ANXA5: variants seen among roughly 807,000 people sequenced by gnomAD.
The protein encoded by ANXA5 is CBP-I.
ANXA5 carries 40 observed loss-of-function variants against 48.1 expected under a neutral mutation model. The observed-to-expected ratio is 0.83, with a 90% CI of 0.65 to 1.08. ANXA5 has a LOEUF of 1.08. Ranked by LOEUF, ANXA5 falls within the 50% of genes least tolerant of loss-of-function variation. The pLI is 0.00. For synonymous variants in ANXA5, 113 were observed against 129.1 expected (o/e 0.88, Z 0.85); for missense variants, 357 against 376.8 (o/e 0.95, Z 0.44).
At position 121,668,487 on chromosome 4, in the gene ANXA5, A is replaced by G. The variant is rs1724557626; in HGVS notation, c.944T>C (p.Leu315Pro). Residue 315 changes from leucine to proline, a missense_variant, in exon 13 of 13, where the codon CTC (leucine) becomes CCC (proline). Transcript: ENST00000296511. ...GACACGTTAGTCATCTTCTCCACAG[A>G]GCAGCAGAAGAGCTTTCTTATAGTC... ...SGDYKKALLL[L>P]CGEDD 6.2e-7 allele frequency: 1 copy of G among 1,613,416 alleles called. No homozygotes were observed. The highest frequency in any genetic ancestry group is 8.5e-7 in the Non-Finnish European group (1 of 1,179,570).
intron 7 of ANXA5, 103 bp downstream of exon 7, chr4:121,678,312 C>T: frequency 2.2e-6 from 2 of 922,516 alleles, no homozygotes; most frequent in Non-Finnish European, 3.3e-6. Context: ...TCAGCAAGTA[C>T]CACAAATTAT....
chr4:121,694,202 A>G (rs1263495546), intron 2 of ANXA5, among the ~76,000 whole-genome samples: 3 of 151,720 alleles, frequency 2.0e-5, no homozygotes, highest in African/African-American at 7.3e-5. Flanking sequence ...TACATATGTA[A>G]CAAACCTGCA....
intron 2 of ANXA5, among the ~76,000 whole-genome samples, chr4:121,693,842 G>C (rs1163689552): frequency 6.6e-6 from 1 of 152,066 alleles, no homozygotes; most frequent in African/African-American, 2.4e-5. Context: ...TTTAAAAAAT[G>C]AATGGCATGA....
intron 2 of ANXA5, among the ~76,000 whole-genome samples, chr4:121,688,124 T>C (rs980184980): frequency 1.3e-5 from 2 of 152,230 alleles, no homozygotes; most frequent in African/African-American, 4.8e-5. Context: ...CTCTCTCTGC[T>C]CTGTCACGTT....
intron 10 of ANXA5, among the ~76,000 whole-genome samples, chr4:121,670,554 C>T (rs1724595867): frequency 6.6e-6 from 1 of 152,104 alleles, no homozygotes; most frequent in African/African-American, 2.4e-5. Context: ...GAAAGGATCT[C>T]TTCTCTGAAC....
chr4:121,681,501 T>C, intron 6 of ANXA5, 170 bp downstream of exon 6: 1 of 530,292 alleles, frequency 1.9e-6, no homozygotes, highest in Non-Finnish European at 3.4e-6. Context: ...AGGCAGTCTT[T>C]TCCTTACTGA....
chr4:121,669,983 G>T lies in ANXA5; in HGVS notation c.751C>A (p.Leu251Ile). 3 of 1,605,164 alleles carry T rather than the reference G, an allele frequency of 1.9e-6. No homozygotes were observed. Among genetic ancestry groups the T allele is most frequent in the Non-Finnish European group, 2.6e-6 (3 of 1,175,744 alleles). ...VKSIRSIPAY[L>I]AETLYYAMKG... ...ATAGCATAATAGAGGGTCTCTGCAAGGTAGGCAGGTATACTTCGAATAGAT... is the reference window on the plus strand; with the variant it reads ...ATAGCATAATAGAGGGTCTCTGCAATGTAGGCAGGTATACTTCGAATAGAT... The change falls in exon 11 of 13, where the codon CTT becomes ATT. Residue 251 changes from leucine (L) to isoleucine (I), a missense_variant. Coordinates refer to ENST00000296511, the MANE Select transcript of ANXA5 (RefSeq NM_001154.4).
chr4:121,694,975 G>A (rs1297579719), intron 2 of ANXA5, among the ~76,000 whole-genome samples: 1 of 152,124 alleles, frequency 6.6e-6, no homozygotes, highest in Non-Finnish European at 1.5e-5. Flanking sequence ...TGGAAAATAT[G>A]TTCGCTTATA....
At chr4:121,683,636 TA>T (rs1724829661) in intron 4 of ANXA5, among the ~76,000 whole-genome samples, 159 bp from the exon 5 acceptor site, 1 of 152,168 alleles carries the variant, frequency 6.6e-6, no homozygotes, top group Admixed American at 6.5e-5. Context: ...TTGAATAACA[TA>T]CTTTTAACCT....
In ANXA5 at chr4:121,671,597, G is replaced by A. The variant is rs766211395; in HGVS notation, c.671C>T (p.Thr224Ile). 1.9e-6 allele frequency: 3 copies of A among 1,613,506 alleles called. No homozygotes were observed. The highest frequency in any genetic ancestry group is 1.7e-5 in the Admixed American group (1 of 60,014). Residue 224 changes from threonine (T) to isoleucine (I), a missense_variant, in exon 10 of 13, where the codon ACC becomes ATC. By Grantham distance (89) the Thr-to-Ile change is moderately conservative. Transcript: ENST00000296511. ...ATTGCCAGAAGTCTCGCGGTCAATGGTTTCCTCAATTTGAAATCCTGATAT... is the reference window on the plus strand; with the variant it reads ...ATTGCCAGAAGTCTCGCGGTCAATGATTTCCTCAATTTGAAATCCTGATAT... ...MTISGFQIEETIDRETSGNLE... is the reference protein window; with the variant it reads ...MTISGFQIEEIIDRETSGNLE...
Position 121,669,747 on chromosome 4 carries a change from A to C in ANXA5, c.781-23T>G, listed in dbSNP as rs372916022. ...TCCCTTTAAAAAAAAAAAAAAAGAG[A>C]GAAGCAAAATGCTTAAAAACTTCAA... On this transcript the variant is annotated intron_variant, in intron 11 of 12. Transcript: ENST00000296511. 382 of 1,579,604 alleles carry C rather than the reference A, an allele frequency of 2.4e-4. No individual in the cohort carries two copies. Among genetic ancestry groups the C allele is most frequent in the Non-Finnish European group, 3.0e-4 (356 of 1,170,708 alleles).
intron 2 of ANXA5, among the ~76,000 whole-genome samples, chr4:121,695,047 G>A (rs1234584148): frequency 6.6e-6 from 1 of 152,168 alleles, no homozygotes; most frequent in East Asian, 1.9e-4. Flanking sequence ...CATCACTGGG[G>A]AACTTACAAG....
chr4:121,687,256 C>T (rs927672887), intron 2 of ANXA5, among the ~76,000 whole-genome samples: 4 of 149,212 alleles, frequency 2.7e-5, no homozygotes, highest in Non-Finnish European at 3.0e-5. Context: ...GCCAAGATCG[C>T]GCCACTGCAC....
chr4:121,686,252 A>C, intron 3 of ANXA5, 36 bp downstream of exon 3: 11 of 1,472,856 alleles, frequency 7.5e-6, no homozygotes, highest in Non-Finnish European at 1.0e-5. Flanking sequence ...AAAAACAAAT[A>C]TCACATTTGC....
intron 4 of ANXA5, 91 bp from the exon 5 acceptor site, chr4:121,683,568 T>C: frequency 1.4e-6 from 1 of 695,678 alleles, no homozygotes; most frequent in Non-Finnish European, 2.5e-6. Context: ...CTCTAATGAA[T>C]TCTTTATGTT....
intron 8 of ANXA5, among the ~76,000 whole-genome samples, chr4:121,676,686 G>T (rs567559120): frequency 1.4e-5 from 2 of 145,680 alleles, no homozygotes; most frequent in Admixed American, 7.0e-5. Context: ...GGGGCGGGGG[G>T]GGGTATGGTT....
intron 7 of ANXA5, 127 bp from the exon 8 acceptor site, chr4:121,678,077 A>G (rs1422860024): frequency 6.6e-6 from 5 of 760,414 alleles, no homozygotes; most frequent in East Asian, 5.0e-5. Context: ...ATTAAGATCA[A>G]TCCTGCACTA....
chr4:121,684,843 T>C, intron 3 of ANXA5, 72 bp from the exon 4 acceptor site: 2 of 1,185,122 alleles, frequency 1.7e-6, no homozygotes, highest in Non-Finnish European at 1.2e-6. Flanking sequence ...GGCAACTCGC[T>C]TCCCAGTCAC....
intron 2 of ANXA5, among the ~76,000 whole-genome samples, chr4:121,690,560 T>G (rs1724966475): frequency 6.6e-6 from 1 of 152,076 alleles, no homozygotes; most frequent in Admixed American, 6.5e-5. Flanking sequence ...AAGCAGGCTT[T>G]TAAAAACACA....
Sources: allele counts gnomAD v4.1 joint callset (sites outside exome capture counted in the v4.1 genomes callset), GRCh38; gene constraint gnomAD v4.1.1; transcripts MANE v1.5; gene names NCBI Gene and HGNC (gene_info 2026-07-23, HGNC 2026-07-21).